Variants in ALK observed in about 807,000 individuals in gnomAD.
ALK encodes ALK tyrosine kinase receptor.
Under a neutral mutation model 163.1 loss-of-function variants are expected in ALK, and 74 were observed. The ratio of observed to expected loss-of-function variants is 0.45; its 90% CI spans 0.38 to 0.55. The LOEUF is 0.55. Ranked by LOEUF, ALK falls within the 20% of genes least tolerant of loss-of-function variation. The pLI, the probability that ALK is intolerant of heterozygous loss-of-function variation, is 0.00. For synonymous variants in ALK, 960 were observed against 843.2 expected (o/e 1.14, Z -2.40); for missense variants, 2,063 against 2,105.3 (o/e 0.98, Z 0.39).
Position 29,917,704 on chromosome 2 carries a change from T to A in ALK, c.667+2289A>T, listed in dbSNP as rs762966865. Among the ~76,000 whole-genome samples, 45 of 152,218 alleles carry A rather than the reference T, an allele frequency of 3.0e-4. 1 individual carries two copies. Among genetic ancestry groups the A allele is most frequent in the Non-Finnish European group, 1.5e-4 (10 of 68,040 alleles). ...AAAGGAGAGACCAGGCTGTTCCAAGTATGATCACCACAAGGCCCGAAGTGC... is the reference window on the plus strand; with the variant it reads ...AAAGGAGAGACCAGGCTGTTCCAAGAATGATCACCACAAGGCCCGAAGTGC... On this transcript the variant is annotated intron_variant, in intron 1 of 28. Transcript: ENST00000389048.
At chr2:29,745,841 G>A (rs1680195370) in intron 1 of ALK, among the ~76,000 whole-genome samples, 1 of 152,168 alleles carries the variant, frequency 6.6e-6, no homozygotes, top group East Asian at 1.9e-4. Context: ...TTGTTGGATG[G>A]ACAAATGACT....
chr2:29,360,988 C>A (rs1427156365), intron 5 of ALK, among the ~76,000 whole-genome samples: 1 of 152,178 alleles, frequency 6.6e-6, no homozygotes, highest in Admixed American at 6.5e-5. Flanking sequence ...TGCAGAGATG[C>A]AGAGATGCAG....
At chr2:29,207,331 C>T (rs1233238820) in intron 25 of ALK, 59 bp from the exon 26 acceptor site, 9 of 1,351,596 alleles carry the variant, frequency 6.7e-6, no homozygotes, top group African/African-American at 1.4e-5. Context: ...AGCATCTGCC[C>T]TGCTGGGAAA....
At position 29,229,034 on chromosome 2, in the gene ALK, A is replaced by G; in HGVS notation, c.2665T>C (p.Leu889=). 6.2e-7 allele frequency: 1 copy of G among 1,613,314 alleles called. No individual in the cohort carries two copies. The highest frequency in any genetic ancestry group is 8.5e-7 in the Non-Finnish European group (1 of 1,179,748). The part of the protein sequence containing the change: ...GGGGWNDNTS[L]LWAGKSLQEG... ...TGCAAAGATTTTCCGGCCCAGAGCAAGGAAGTGTTATCATTCCAGCCACCT... is the reference window on the plus strand; with the variant it reads ...TGCAAAGATTTTCCGGCCCAGAGCAGGGAAGTGTTATCATTCCAGCCACCT... Residue 889 remains leucine, a synonymous_variant, in exon 16 of 29, where the codon TTG becomes CTG. Transcript: ENST00000389048.
intron 5 of ALK, among the ~76,000 whole-genome samples, chr2:29,328,848 T>G (rs1667354466): frequency 1.3e-5 from 2 of 152,174 alleles, no homozygotes; most frequent in African/African-American, 2.4e-5. Context: ...CACAGATAGC[T>G]CCACCCTCAA....
intron 25 of ALK, 70 bp downstream of exon 25, chr2:29,209,716 G>A (rs1669411991): frequency 1.7e-6 from 2 of 1,148,078 alleles, no homozygotes; most frequent in Non-Finnish European, 2.6e-6. Flanking sequence ...GGGACAAGCA[G>A]CCACACCCCA....
intron 1 of ALK, among the ~76,000 whole-genome samples, chr2:29,818,289 G>A (rs1244670317): frequency 6.6e-6 from 1 of 152,102 alleles, no homozygotes; most frequent in Non-Finnish European, 1.5e-5. Context: ...AAGCAATTTG[G>A]TCATTATACC....
At chr2:29,280,775 T>C (rs750659125) in intron 9 of ALK, among the ~76,000 whole-genome samples, 50 of 149,668 alleles carry the variant, frequency 3.3e-4, no homozygotes, top group Non-Finnish European at 3.0e-4. Flanking sequence ...AATTCTAGTG[T>C]TTACCAAGTA....
At chr2:29,584,877 C>G (rs530195913) in intron 3 of ALK, among the ~76,000 whole-genome samples, 2 of 152,186 alleles carry the variant, frequency 1.3e-5, no homozygotes, top group Non-Finnish European at 2.9e-5. Context: ...TCTCTCTGGT[C>G]ATAGTTTCAG....
intron 5 of ALK, among the ~76,000 whole-genome samples, chr2:29,333,789 T>A (rs1332858758): frequency 6.6e-6 from 1 of 152,098 alleles, no homozygotes; most frequent in African/African-American, 2.4e-5. Context: ...GCTGCCTTTT[T>A]TTTGGAGAGA....
chr2:29,593,805 G>C (rs1380565253), intron 3 of ALK, among the ~76,000 whole-genome samples: 2 of 152,200 alleles, frequency 1.3e-5, no homozygotes, highest in Non-Finnish European at 2.9e-5. Flanking sequence ...TGTATTCTTA[G>C]GACAAGCTTC....
intron 26 of ALK, among the ~76,000 whole-genome samples, chr2:29,200,894 TC>T (rs1324344955): frequency 3.3e-5 from 5 of 150,584 alleles, no homozygotes; most frequent in Admixed American, 2.0e-4. Flanking sequence ...AACTTCACTT[TC>T]TTTTGGTATT....
intron 2 of ALK, among the ~76,000 whole-genome samples, chr2:29,716,799 G>A (rs1208352070): frequency 6.6e-6 from 1 of 151,950 alleles, no homozygotes; most frequent in Non-Finnish European, 1.5e-5. Context: ...CTTCTTAACT[G>A]TAAGGGGCCC....
intron 4 of ALK, among the ~76,000 whole-genome samples, chr2:29,425,837 AAAC>A (rs1373454887): frequency 6.6e-6 from 1 of 152,204 alleles, no homozygotes; most frequent in African/African-American, 2.4e-5. Flanking sequence ...TTTTTGTGGC[AAAC>A]AACTGAGAGG....
intron 2 of ALK, among the ~76,000 whole-genome samples, chr2:29,708,038 T>C (rs950511759): frequency 6.6e-6 from 1 of 152,182 alleles, no homozygotes; most frequent in African/African-American, 2.4e-5. Flanking sequence ...GAAGACCTTT[T>C]GTTGGGATGT....
chr2:29,559,767 A>G (rs1170242816), intron 3 of ALK, among the ~76,000 whole-genome samples: 4 of 50,824 alleles, frequency 7.9e-5, no homozygotes, highest in Non-Finnish European at 2.0e-4. Flanking sequence ...GGGAGCATGT[A>G]CGTGTGTGTG....
rs1294561803 is a variant in ALK at position 29,920,351 on chromosome 2, C to T, written c.309G>A (p.Gly103=). 6.4e-7 allele frequency: 1 copy of T among 1,551,522 alleles called. No individual in the cohort carries two copies. Among genetic ancestry groups the T allele is most frequent in the Non-Finnish European group, 8.7e-7 (1 of 1,148,860 alleles). The change falls in exon 1 of 29, where the codon GGG becomes GGA. Residue 103 remains glycine, a synonymous_variant. Transcript: ENST00000389048. ...CGGTCCAGGAGACCCCCGGCGCCGG[C>T]CCCAGCAACCTGAGCAGCGGGGCGC... The part of the protein sequence containing the change: ...LDCAPLLRLL[G]PAPGVSWTAG...
intron 4 of ALK, among the ~76,000 whole-genome samples, chr2:29,440,790 C>G (rs1036024791): frequency 2.0e-5 from 3 of 152,202 alleles, no homozygotes; most frequent in African/African-American, 7.2e-5. Flanking sequence ...CCAAAGTGAT[C>G]CAGAACACAA....
chr2:29,260,362 G>A (rs1665055593), intron 11 of ALK, among the ~76,000 whole-genome samples: 1 of 152,160 alleles, frequency 6.6e-6, no homozygotes, highest in Non-Finnish European at 1.5e-5. Context: ...CTGTAGGCGT[G>A]TTATTCCGCC....
Sources: allele counts gnomAD v4.1 joint callset (sites outside exome capture counted in the v4.1 genomes callset), GRCh38; gene constraint gnomAD v4.1.1; transcripts MANE v1.5; gene names NCBI Gene and HGNC (gene_info 2026-07-23, HGNC 2026-07-21).